PLXDC2: variants seen among roughly 807,000 people sequenced by gnomAD.
The protein encoded by PLXDC2 is plexin domain-containing protein 2.
In PLXDC2, 40 loss-of-function variants were observed where a neutral mutation model predicts 68.9. That is an observed-to-expected ratio of 0.58 (90% CI 0.45 to 0.76). The LOEUF (loss-of-function observed/expected upper bound fraction) is 0.76. PLXDC2 is among the 30% of genes least tolerant of loss of function. The pLI is 0.00. For missense variants in PLXDC2, 644 were observed against 661.9 expected, an observed-to-expected ratio of 0.97 and a Z score of 0.30; for synonymous variants, 243 against 234.2, an observed-to-expected ratio of 1.04 and a Z score of -0.34.
chr10:19,987,183 CCAGGCTAGGAGCAGTTGATGCCTT>C (rs1426029056), intron 1 of PLXDC2, among the ~76,000 whole-genome samples: 1 of 152,110 alleles, frequency 6.6e-6, no homozygotes, highest in Non-Finnish European at 1.5e-5. Flanking sequence ...GACCCCTGAC[CCAGGCTAGGAGCAGTTGATGCCTT>C]CATAGAATAA....
chr10:19,842,417 G>A lies in PLXDC2; in HGVS notation c.112+25226G>A, dbSNP rs562437350. 2.6e-5 allele frequency among the ~76,000 whole-genome samples: 4 copies of A among 152,114 alleles called. 1 individual carries two copies. In the South Asian group the frequency reaches 8.3e-4, roughly 32 times the overall value. On this transcript the variant is annotated intron_variant, in intron 1 of 13. Coordinates refer to ENST00000377252, the MANE Select transcript of PLXDC2 (RefSeq NM_032812.9). ...GCTTCAATGCTGGGATTACTTTTTAGGGTTCAGCTAAATGTATACATTTCC... is the reference window on the plus strand; with the variant it reads ...GCTTCAATGCTGGGATTACTTTTTAAGGTTCAGCTAAATGTATACATTTCC...
At chr10:19,875,564 G>T (rs1837616126) in intron 1 of PLXDC2, among the ~76,000 whole-genome samples, 1 of 152,314 alleles carries the variant, frequency 6.6e-6, no homozygotes, top group South Asian at 2.1e-4. Context: ...AGATAAGTAA[G>T]ATGGAAATAA....
At position 20,118,096 on chromosome 10, in the gene PLXDC2, A is replaced by G. The variant is rs1281955261; in HGVS notation, c.542-25199A>G. ...TATATGTCTGTATATACATGCATCC[A>G]TATATGCCTACACACACACACACAC... On this transcript the variant is annotated intron_variant, in intron 4 of 13. Coordinates refer to ENST00000377252, the MANE Select transcript of PLXDC2 (RefSeq NM_032812.9). 8.1e-5 allele frequency among the ~76,000 whole-genome samples: 11 copies of G among 135,696 alleles called. No individual in the cohort carries two copies. The Admixed American group carries it at 9.1e-4, about 11-fold the overall frequency. 89.0% of individuals were successfully genotyped at this position (135,696 alleles called of 152,430 possible). A position where few individuals can be genotyped will look rare whatever the true frequency, so the allele number is the denominator to read the frequency against.
intron 7 of PLXDC2, among the ~76,000 whole-genome samples, chr10:20,169,239 T>C (rs532645040): frequency 6.6e-6 from 1 of 152,288 alleles, no homozygotes; most frequent in African/African-American, 2.4e-5. Flanking sequence ...TTTTGACAAA[T>C]TGCTTTCCAT....
intron 13 of PLXDC2, among the ~76,000 whole-genome samples, chr10:20,256,408 C>T (rs1479699064): frequency 6.6e-6 from 1 of 152,092 alleles, no homozygotes; most frequent in Non-Finnish European, 1.5e-5. Context: ...GCTGAGATTA[C>T]AGGAGTGAGC....
At chr10:20,254,316 G>C (rs1443987975) in intron 13 of PLXDC2, among the ~76,000 whole-genome samples, 1 of 152,114 alleles carries the variant, frequency 6.6e-6, no homozygotes, top group African/African-American at 2.4e-5. Flanking sequence ...AAGACTGCTG[G>C]GAAGAAAAAA....
intron 12 of PLXDC2, among the ~76,000 whole-genome samples, chr10:20,239,374 T>C (rs1835483694): frequency 6.6e-6 from 1 of 152,150 alleles, no homozygotes; most frequent in Non-Finnish European, 1.5e-5. Flanking sequence ...TGAGATTGAG[T>C]AATTTATAAA....
At chr10:19,922,016 GC>G (rs1300987932) in intron 1 of PLXDC2, among the ~76,000 whole-genome samples, 4 of 152,072 alleles carry the variant, frequency 2.6e-5, no homozygotes, top group Admixed American at 2.6e-4. Context: ...GCACCACCAT[GC>G]CCGACTAATT....
At chr10:19,942,406 C>T (rs1464718399) in intron 1 of PLXDC2, among the ~76,000 whole-genome samples, 2 of 152,150 alleles carry the variant, frequency 1.3e-5, no homozygotes, top group Non-Finnish European at 2.9e-5. Flanking sequence ...ATACATTTCT[C>T]TTATGATAGG....
chr10:20,161,037 C>A (rs549003572), intron 6 of PLXDC2, among the ~76,000 whole-genome samples: 1 of 152,276 alleles, frequency 6.6e-6, no homozygotes, highest in African/African-American at 2.4e-5. Flanking sequence ...ATGAGCAATA[C>A]TACCTCATTT....
In PLXDC2 at chr10:20,046,814, G is replaced by T; in HGVS notation, c.325-55G>T. The T allele has an allele frequency of 7.3e-6, 11 of 1,505,358 alleles. No individual in the cohort carries two copies. The South Asian group carries it at 1.3e-4, about 18-fold the overall frequency. The allele number at this position is 1,505,358 out of a possible 1,614,324, so 93.3% of individuals were successfully genotyped here. ...TGAGTTCAATAGGATTTTTTTTAAA[G>T]AATTGTAGGTAAAACATCTCGGTTC... On this transcript the variant is annotated intron_variant, in intron 2 of 13. Transcript: ENST00000377252.
intron 1 of PLXDC2, among the ~76,000 whole-genome samples, chr10:19,958,197 T>C (rs1834101587): frequency 6.6e-6 from 1 of 152,068 alleles, no homozygotes; most frequent in African/African-American, 2.4e-5. Flanking sequence ...TACTTCTTTA[T>C]CACCTCAGGG....
Position 20,164,519 on chromosome 10 carries a change from G to A in PLXDC2, c.835G>A (p.Gly279Arg), listed in dbSNP as rs1408662333. The A allele has an allele frequency of 1.9e-6, 3 of 1,613,414 alleles. No individual in the cohort carries two copies. Among genetic ancestry groups the A allele is most frequent in the South Asian group, 2.2e-5 (2 of 91,084 alleles). The stretch of plus-strand genomic sequence containing the variant: ...TTCAACCAATCATCCAGTGAAAGTC[G>A]GACTGTCCGATGCATTTGTCGTTGT... Reference protein sequence around the residue: ...ISSTNHPVKVGLSDAFVVVHR... With the variant: ...ISSTNHPVKVRLSDAFVVVHR... The change falls in exon 7 of 14, where the codon GGA becomes AGA. Residue 279 changes from glycine (G) to arginine (R), a missense_variant. Gly to Arg is a moderately radical substitution (Grantham distance 125). This residue lies in a region of PLXDC2 where 330 missense variants were observed against 327.9 expected (regional missense o/e 1.01). Coordinates refer to ENST00000377252, the MANE Select transcript of PLXDC2 (RefSeq NM_032812.9).
intron 1 of PLXDC2, among the ~76,000 whole-genome samples, chr10:19,876,624 A>AAAG (rs1388231091): frequency 1.7e-4 from 23 of 139,084 alleles, no homozygotes; most frequent in African/African-American, 3.8e-4. Flanking sequence ...AAAAAAAAAA[A>AAAG]AGAGAGAGAG....
chr10:20,166,221 T>C (rs1050788076), intron 7 of PLXDC2, among the ~76,000 whole-genome samples: 1 of 152,154 alleles, frequency 6.6e-6, no homozygotes, highest in Admixed American at 6.5e-5. Context: ...TTATAAGGGT[T>C]ATCTTACAAC....
chr10:20,233,557 T>C (rs1371459708), intron 12 of PLXDC2, among the ~76,000 whole-genome samples: 1 of 152,170 alleles, frequency 6.6e-6, no homozygotes, highest in Non-Finnish European at 1.5e-5. Flanking sequence ...CATTTTACAC[T>C]TGAAGTCTCA....
chr10:20,243,982 C>CT (rs1220609916), intron 12 of PLXDC2, among the ~76,000 whole-genome samples: 5 of 152,116 alleles, frequency 3.3e-5, no homozygotes, highest in Non-Finnish European at 7.4e-5. Flanking sequence ...TTGCTTGAGC[C>CT]TGGGAGGTGG....
intron 1 of PLXDC2, among the ~76,000 whole-genome samples, chr10:19,981,690 C>A (rs1834552808): frequency 6.6e-6 from 1 of 152,164 alleles, no homozygotes; most frequent in Admixed American, 6.5e-5. Context: ...TTAGTGGTGG[C>A]TAATTCAGCA....
intron 1 of PLXDC2, among the ~76,000 whole-genome samples, chr10:19,885,345 C>G (rs1349554976): frequency 6.6e-6 from 1 of 150,700 alleles, no homozygotes; most frequent in Non-Finnish European, 1.5e-5. Context: ...TGTGCAGAAG[C>G]TCTTTAGTTT....
Sources: gnomAD v4.1 joint callset for allele counts (sites outside exome capture counted in the v4.1 genomes callset) on GRCh38, gnomAD v4.1.1 for gene constraint, gnomAD v4.1.1 regional missense constraint, MANE v1.5 for transcripts, NCBI Gene and HGNC (gene_info 2026-07-23, HGNC 2026-07-21) for gene names.